Variants in STK3 observed in about 807,000 individuals in gnomAD.
STK3 encodes the protein serine/threonine-protein kinase 3.
Under a neutral mutation model 58.0 loss-of-function variants are expected in STK3, and 41 were observed. That is an observed-to-expected ratio of 0.71 (90% CI 0.55 to 0.92). The LOEUF (loss-of-function observed/expected upper bound fraction) is 0.92. Among genes scored for constraint, STK3 ranks in the 40% least tolerant of loss-of-function variants. STK3 has a pLI of 0.00. For synonymous variants in STK3, 170 were observed against 191.0 expected (o/e 0.89, Z 0.91); for missense variants, 479 against 602.7 (o/e 0.79, Z 2.15).
chr8:98,903,559 T>TCCTCTTC (rs1234506460), intron 1 of STK3, among the ~76,000 whole-genome samples: 1 of 87,180 alleles, frequency 1.1e-5, no homozygotes, highest in African/African-American at 5.0e-5. Flanking sequence ...TCTTCTTCCT[T>TCCTCTTC]TTTTTTTTTT....
At chr8:98,764,725 G>A (rs1471128751) in intron 3 of STK3, among the ~76,000 whole-genome samples, 1 of 152,168 alleles carries the variant, frequency 6.6e-6, no homozygotes, top group East Asian at 1.9e-4. Context: ...CCATTATGTG[G>A]CAGGATCCAA....
At position 98,876,114 on chromosome 8, in the gene STK3, T is replaced by C. The variant is rs374345979; in HGVS notation, c.110+7533A>G. Among the ~76,000 whole-genome samples the C allele has an allele frequency of 1.6e-4, 25 of 152,300 alleles. No homozygotes were observed. The East Asian group carries it at 3.5e-3, about 21-fold the overall frequency. ...CCAGGACCACTGCTCCCCATTCCCA[T>C]CAAATGTCCAATCCCTTCTGGGGTA... On this transcript the variant is annotated intron_variant, in intron 3 of 12. Coordinates refer to the STK3 transcript ENST00000523601.
At position 98,648,103 on chromosome 8, in the gene STK3, A is replaced by G. The variant is rs370391067; in HGVS notation, c.685-51934T>C. Among the ~76,000 whole-genome samples the G allele has an allele frequency of 2.5e-4, 38 of 152,300 alleles. No individual in the cohort carries two copies. In the East Asian group the frequency reaches 6.9e-3, roughly 28 times the overall value. ...CTACAACTCCAGGTGACCAGCAATG[A>G]CAACCTAATATGTATCACTCCATAC... is the stretch of plus-strand genomic sequence containing the variant. On this transcript the variant is annotated intron_variant, in intron 6 of 10. Transcript: ENST00000419617.
chr8:98,866,721 T>C (rs999186304), intron 3 of STK3, among the ~76,000 whole-genome samples: 9 of 152,194 alleles, frequency 5.9e-5, no homozygotes, highest in African/African-American at 2.2e-4. Context: ...CTGAGAGGAC[T>C]GAAGTAAACA....
chr8:98,481,326 G>A (rs1821837009), intron 10 of STK3, among the ~76,000 whole-genome samples: 1 of 152,078 alleles, frequency 6.6e-6, no homozygotes, highest in Non-Finnish European at 1.5e-5. Context: ...ACAATTCACA[G>A]TCGCAAAGAT....
rs572010206 is a variant in STK3, at chr8:98,721,082, T to A, written c.352-13771A>T. ...GAAGTAAGCACACTCACCTGGCCAATAATTTTTTTGATTCCTTTCACCCTG... is the reference window on the plus strand; with the variant it reads ...GAAGTAAGCACACTCACCTGGCCAAAAATTTTTTTGATTCCTTTCACCCTG... On this transcript the variant is annotated intron_variant, in intron 4 of 10. Transcript: ENST00000419617. 5.3e-4 allele frequency: 525 copies of A among 985,164 alleles called. 3 individuals are homozygous for A. The African/African-American group carries it at 8.0e-3, about 15-fold the overall frequency. 61.0% of individuals were successfully genotyped at this position (985,164 alleles called of 1,614,324 possible).
At chr8:98,462,275 A>G (rs1026637439) in intron 10 of STK3, among the ~76,000 whole-genome samples, 4 of 151,842 alleles carry the variant, frequency 2.6e-5, no homozygotes, top group Non-Finnish European at 5.9e-5. Context: ...AACTGATGAG[A>G]AAGCAAAAAA....
intron 1 of STK3, among the ~76,000 whole-genome samples, chr8:98,793,802 A>G (rs531103239): frequency 1.3e-5 from 2 of 152,088 alleles, no homozygotes; most frequent in East Asian, 3.9e-4. Flanking sequence ...GCCATAAAAC[A>G]TGTCTCAATT....
At chr8:98,863,742 T>C (rs1837019809) in intron 3 of STK3, among the ~76,000 whole-genome samples, 1 of 152,214 alleles carries the variant, frequency 6.6e-6, no homozygotes, top group African/African-American at 2.4e-5. Context: ...TTTAACTATG[T>C]AATATTTATT....
chr8:98,732,654 T>G (rs1205327454), intron 4 of STK3, among the ~76,000 whole-genome samples: 1 of 152,176 alleles, frequency 6.6e-6, no homozygotes, highest in Non-Finnish European at 1.5e-5. Flanking sequence ...AATATCCTTT[T>G]TTTAATGGTG....
Position 98,481,158 on chromosome 8 carries a change from C to T in STK3, c.1318-25158G>A, listed in dbSNP as rs542234149. Among the ~76,000 whole-genome samples the T allele has an allele frequency of 4.2e-4, 64 of 151,622 alleles. 1 individual carries two copies. The highest frequency in any genetic ancestry group is 1.5e-3 in the African/African-American group (63 of 41,334). Reference sequence around the variant, plus strand: ...ATTTCAACCACTGCTAGAAAATCCACATGGATAAATGCTAGAATGAGGGCT... The same window carrying T: ...ATTTCAACCACTGCTAGAAAATCCATATGGATAAATGCTAGAATGAGGGCT... On this transcript the variant is annotated intron_variant, in intron 10 of 10. Transcript: ENST00000419617.
At chr8:98,811,571 C>T (rs948751376) in intron 1 of STK3, among the ~76,000 whole-genome samples, 2 of 150,294 alleles carry the variant, frequency 1.3e-5, no homozygotes, top group African/African-American at 4.9e-5. Flanking sequence ...CTCTTGTACC[C>T]TAGCAGTTTC....
chr8:98,543,502 G>A (rs533032177), intron 9 of STK3, among the ~76,000 whole-genome samples: 2 of 152,120 alleles, frequency 1.3e-5, no homozygotes, highest in South Asian at 4.1e-4. Context: ...ATATTTAGGG[G>A]GCAGAACTGA....
chr8:98,450,323 G>C (rs1563613596), downstream of STK3, among the ~76,000 whole-genome samples: 1 of 152,166 alleles, frequency 6.6e-6, no homozygotes, highest in African/African-American at 2.4e-5. Flanking sequence ...AAACTAAAAA[G>C]AGTTAAAAGT....
At position 98,588,656 on chromosome 8, in the gene STK3, T is replaced by C. The variant is rs527638779; in HGVS notation, c.822+7376A>G. Among the ~76,000 whole-genome samples, 1,481 of 151,400 alleles carry C rather than the reference T, an allele frequency of 9.8e-3. 16 individuals carry two copies. The highest frequency in any genetic ancestry group is 0.033 in the African/African-American group (1,365 of 41,418). ...CTGAACGTTGGCCTGCCTTGCTAGA[T>C]TGGGGAAGTTCTCCTGGATAATATC... On this transcript the variant is annotated intron_variant, in intron 7 of 10. Transcript: ENST00000419617.
chr8:98,528,523 G>C (rs1825915500), intron 9 of STK3, among the ~76,000 whole-genome samples: 1 of 151,856 alleles, frequency 6.6e-6, no homozygotes, highest in Non-Finnish European at 1.5e-5. Context: ...TTTCGCTCTT[G>C]TTGTGCAGGC....
chr8:98,483,057 CT>C (rs1821976639), intron 10 of STK3, among the ~76,000 whole-genome samples: 1 of 152,128 alleles, frequency 6.6e-6, no homozygotes, highest in Admixed American at 6.5e-5. Context: ...GAGAAGCTCT[CT>C]AACTGAATCC....
intron 1 of STK3, among the ~76,000 whole-genome samples, chr8:98,445,895 C>G (rs1818925480): frequency 6.6e-6 from 1 of 152,098 alleles, no homozygotes; most frequent in African/African-American, 2.4e-5. Context: ...CTAAAGGCAC[C>G]AGAAAATAGG....
chr8:98,913,053 G>A (rs1240788903), intron 1 of STK3, among the ~76,000 whole-genome samples: 1 of 151,488 alleles, frequency 6.6e-6, no homozygotes, highest in Non-Finnish European at 1.5e-5. Flanking sequence ...GATTACAGGC[G>A]TGAGCCACTA....
Sources: gnomAD v4.1 joint callset for allele counts (sites outside exome capture counted in the v4.1 genomes callset) on GRCh38, gnomAD v4.1.1 for gene constraint, MANE v1.5 for transcripts, NCBI Gene and HGNC (gene_info 2026-07-23, HGNC 2026-07-21) for gene names.